The following NTRK3 variants were observed in gnomAD, a reference collection of about 807,000 sequenced individuals.
NTRK3 encodes the protein NT-3 growth factor receptor.
A neutral mutation model predicts 91.7 loss-of-function variants in NTRK3; 24 were observed. The ratio of observed to expected loss-of-function variants is 0.26; its 90% confidence interval spans 0.19 to 0.37. The LOEUF (loss-of-function observed/expected upper bound fraction) is 0.37. Ranked by LOEUF, NTRK3 falls within the 10% of genes least tolerant of loss-of-function variation. The pLI is 1.00. For synonymous variants in NTRK3, 483 were observed against 404.0 expected, an observed-to-expected ratio of 1.20 and a Z score of -2.34; for missense variants, 880 against 1,068.9, an observed-to-expected ratio of 0.82 and a Z score of 2.46.
intron 15 of NTRK3, among the ~76,000 whole-genome samples, chr15:87,935,750 G>T (rs1233681058): frequency 6.6e-6 from 1 of 152,162 alleles, no homozygotes; most frequent in Non-Finnish European, 1.5e-5. Flanking sequence ...TGACAGCCCT[G>T]GGATATTTCT....
intron 5 of NTRK3, among the ~76,000 whole-genome samples, chr15:88,151,855 C>T (rs566620932): frequency 3.9e-5 from 6 of 152,292 alleles, no homozygotes; most frequent in Admixed American, 6.5e-5. Flanking sequence ...AGGTCCTCTG[C>T]GTCTCTGAGC....
exon 19 of NTRK3, chr15:87,868,548 C>G (rs2064747865): frequency 9.1e-6 from 2 of 220,720 alleles, no homozygotes; most frequent in Non-Finnish European, 9.1e-6. Flanking sequence ...ATTCTAAAAC[C>G]CTGAGGTAAG....
chr15:88,174,880 A>G (rs1255536865), intron 5 of NTRK3, among the ~76,000 whole-genome samples: 1 of 152,212 alleles, frequency 6.6e-6, no homozygotes, highest in Non-Finnish European at 1.5e-5. Context: ...CGTTTCTGCA[A>G]TCTGTCAAAG....
chr15:88,030,566 A>G (rs2078438278), intron 14 of NTRK3, among the ~76,000 whole-genome samples: 1 of 152,292 alleles, frequency 6.6e-6, no homozygotes, highest in Non-Finnish European at 1.5e-5. Context: ...AGCTTCCACT[A>G]AAGAGGACAG....
intron 5 of NTRK3, among the ~76,000 whole-genome samples, chr15:88,167,665 T>C (rs2045108086): frequency 6.6e-6 from 1 of 152,160 alleles, no homozygotes; most frequent in African/African-American, 2.4e-5. Context: ...GGGAGGCATG[T>C]CAGTGGACCC....
chr15:88,033,301 T>C (rs2078766467), intron 13 of NTRK3, among the ~76,000 whole-genome samples: 1 of 148,146 alleles, frequency 6.8e-6, no homozygotes, highest in Non-Finnish European at 1.5e-5. Context: ...TTCCATTCTA[T>C]AGGTTGCCTT....
intron 4 of NTRK3, among the ~76,000 whole-genome samples, chr15:88,183,893 T>C (rs79474930): frequency 0.015 from 2,305 of 152,208 alleles, 56 homozygotes; most frequent in African/African-American, 0.053. Flanking sequence ...TCATACTCCA[T>C]GGGGCTCATC....
intron 13 of NTRK3, among the ~76,000 whole-genome samples, chr15:88,111,290 G>A (rs922038679): frequency 2.2e-4 from 33 of 152,286 alleles, no homozygotes; most frequent in African/African-American, 7.5e-4. Context: ...TCTACCAGGA[G>A]GTGTTATGTT....
intron 17 of NTRK3, chr15:87,927,531 T>A (rs914083661): frequency 8.5e-5 from 13 of 152,194 alleles, no homozygotes; most frequent in African/African-American, 2.7e-4. Context: ...TTGGCTGCCA[T>A]GATCCTGGCA....
intron 13 of NTRK3, among the ~76,000 whole-genome samples, chr15:88,051,162 C>A (rs148600537): frequency 1.3e-5 from 2 of 151,848 alleles, no homozygotes; most frequent in African/African-American, 4.8e-5. Context: ...TACATTTCCA[C>A]CTCTGCCACA....
chr15:88,219,567 G>A (rs928573400), intron 3 of NTRK3, among the ~76,000 whole-genome samples: 1 of 152,254 alleles, frequency 6.6e-6, no homozygotes, highest in Admixed American at 6.5e-5. Context: ...GGAAGAAACA[G>A]TCATTCTCCC....
At chr15:88,205,296 G>C (rs1402751113) in intron 3 of NTRK3, among the ~76,000 whole-genome samples, 18 of 152,116 alleles carry the variant, frequency 1.2e-4, no homozygotes, top group Admixed American at 1.2e-3. Flanking sequence ...AGAGAGCATG[G>C]GGAAACCGCA....
At position 87,885,686 on chromosome 15, in the gene NTRK3, A is replaced by G. The variant is rs2065492926; in HGVS notation, c.2134-5258T>C. ...TATTCATTAAAAAAAATACGCTTAG[A>G]TACCTACCTCACACCATATACAAAA... On this transcript the variant is annotated intron_variant, in intron 17 of 18. Coordinates refer to ENST00000394480, the Ensembl canonical transcript of NTRK3. The G allele has an allele frequency of 7.2e-7, 1 of 1,394,998 alleles. No individual in the cohort carries two copies. The highest frequency in any genetic ancestry group is 1.5e-5 in the African/African-American group (1 of 68,058). The allele number at this position is 1,394,998 out of a possible 1,614,324, so 86.4% of individuals were successfully genotyped here.
intron 18 of NTRK3, among the ~76,000 whole-genome samples, chr15:87,879,201 A>C (rs1457772512): frequency 6.6e-6 from 1 of 152,196 alleles, no homozygotes; most frequent in Admixed American, 6.5e-5. Flanking sequence ...AGAGACAAAC[A>C]TAGCTTCCAA....
rs2041737228 is a variant in NTRK3, at chr15:88,134,998, A to G, written c.1204+103T>C. The G allele has an allele frequency of 7.4e-6, 10 of 1,350,994 alleles. No homozygotes were observed. The South Asian group carries it at 1.2e-4, about 16-fold the overall frequency. 83.7% of individuals were successfully genotyped at this position (1,350,994 alleles called of 1,614,324 possible). ...TGTGTGTTTTGTTGCCCATGATAAC[A>G]GTATGAGTACTGATGCTGCTTCTCC... On this transcript the variant is annotated intron_variant, in intron 10 of 18. Coordinates refer to ENST00000394480, the Ensembl canonical transcript of NTRK3.
chr15:88,172,720 G>C (rs945362020), intron 5 of NTRK3, among the ~76,000 whole-genome samples: 1 of 152,172 alleles, frequency 6.6e-6, no homozygotes. Flanking sequence ...CATGTTATCT[G>C]GCCCTGGGTG....
chr15:88,253,645 C>T (rs2142048528), intron 3 of NTRK3, among the ~76,000 whole-genome samples: 1 of 152,324 alleles, frequency 6.6e-6, no homozygotes, highest in South Asian at 2.1e-4. Flanking sequence ...CCCCACCTGC[C>T]ACTGGCACAG....
chr15:87,907,589 C>A (rs962727282), intron 17 of NTRK3, among the ~76,000 whole-genome samples: 1 of 152,092 alleles, frequency 6.6e-6, no homozygotes, highest in Admixed American at 6.5e-5. Context: ...CTACCGCACG[C>A]CCTGTCAGTG....
intron 13 of NTRK3, among the ~76,000 whole-genome samples, chr15:88,040,116 T>C (rs1358815975): frequency 7.2e-6 from 1 of 138,408 alleles, no homozygotes; most frequent in African/African-American, 3.5e-5. Context: ...TATTTAAGAA[T>C]GTTAGCACAG....
Sources: allele counts gnomAD v4.1 joint callset (sites outside exome capture counted in the v4.1 genomes callset), GRCh38; gene constraint gnomAD v4.1.1; transcripts MANE v1.5; gene names NCBI Gene and HGNC (gene_info 2026-07-23, HGNC 2026-07-21).